MAD1L1: variants seen among roughly 807,000 people sequenced by gnomAD.
MAD1L1 encodes mitotic spindle assembly checkpoint protein MAD1.
MAD1L1 carries 95 observed loss-of-function variants against 96.9 expected under a neutral mutation model. The ratio of observed to expected loss-of-function variants is 0.98; its 90% CI spans 0.83 to 1.16. The LOEUF is 1.16. Among genes scored for constraint, MAD1L1 ranks in the 50% most tolerant of loss-of-function variants. MAD1L1 has a pLI of 0.00. For synonymous variants in MAD1L1, 473 were observed against 396.6 expected (o/e 1.19, Z -2.29); for missense variants, 1,007 against 954.4 (o/e 1.06, Z -0.73).
At chr7:1,978,538 G>C (rs1241930448) in intron 15 of MAD1L1, among the ~76,000 whole-genome samples, 1 of 152,144 alleles carries the variant, frequency 6.6e-6, no homozygotes, top group Non-Finnish European at 1.5e-5. Flanking sequence ...AAAGCCTCTA[G>C]TGCCTCCCAC....
intron 12 of MAD1L1, among the ~76,000 whole-genome samples, chr7:2,019,595 C>G (rs973861337): frequency 1.3e-5 from 2 of 152,346 alleles, no homozygotes; most frequent in Non-Finnish European, 2.9e-5. Flanking sequence ...GAAAGGGCAG[C>G]AAGGAGGGCC....
rs570072781 is a variant in MAD1L1, at chr7:1,944,998, C to T, written c.1597-8101G>A. On this transcript the variant is annotated intron_variant, in intron 16 of 18. Transcript: ENST00000265854. ...CAAGGGAGCCGGAAGCAGAGGGAGA[C>T]GGGTACGGGCAGCCCCTCACCTGGG... Among the ~76,000 whole-genome samples, 8 of 152,304 alleles carry T rather than the reference C, an allele frequency of 5.3e-5. No homozygotes were observed. The East Asian group carries it at 5.8e-4, about 11-fold the overall frequency.
intron 14 of MAD1L1, among the ~76,000 whole-genome samples, chr7:1,997,139 AAGTC>A (rs1048921995): frequency 1.3e-5 from 2 of 152,260 alleles, no homozygotes; most frequent in African/African-American, 2.4e-5. Flanking sequence ...AATAATAAGA[AAGTC>A]AGAGTGCCTT....
intron 18 of MAD1L1, among the ~76,000 whole-genome samples, chr7:1,855,968 C>T (rs538152914): frequency 2.0e-5 from 3 of 152,174 alleles, no homozygotes; most frequent in Non-Finnish European, 4.4e-5. Context: ...CTCAAGGCGC[C>T]GGCAGACGTG....
At chr7:2,021,596 C>T (rs1041723621) in intron 12 of MAD1L1, among the ~76,000 whole-genome samples, 18 of 146,394 alleles carry the variant, frequency 1.2e-4, no homozygotes, top group African/African-American at 3.8e-4. Context: ...GAAACCTCGT[C>T]TCTACTGAAA....
intron 15 of MAD1L1, among the ~76,000 whole-genome samples, chr7:1,970,855 C>T (rs1384808704): frequency 6.6e-6 from 1 of 152,158 alleles, no homozygotes. Context: ...TGTTTTAAAA[C>T]TCTGAAGATA....
At chr7:1,917,958 T>G (rs143581621) in intron 17 of MAD1L1, among the ~76,000 whole-genome samples, 1,529 of 152,076 alleles carry the variant, frequency 0.01, 28 homozygotes, top group African/African-American at 0.034. Flanking sequence ...CACCCTGTGG[T>G]TCAGCCCAGA....
Position 2,154,834 on chromosome 7 carries a change from G to A in MAD1L1, c.987-5596C>T, listed in dbSNP as rs555676618. Among the ~76,000 whole-genome samples, 70 of 152,246 alleles carry A rather than the reference G, an allele frequency of 4.6e-4. 1 individual carries two copies. Among genetic ancestry groups the A allele is most frequent in the South Asian group, 1.5e-3 (7 of 4,820 alleles). Reference sequence around the variant, plus strand: ...TCCCATCAAGAACAAGGTGGAATCCGATCAAACGGGTCAGGAGGTCACCTC... The same window carrying A: ...TCCCATCAAGAACAAGGTGGAATCCAATCAAACGGGTCAGGAGGTCACCTC... On this transcript the variant is annotated intron_variant, in intron 10 of 18. Coordinates refer to ENST00000265854, the MANE Select transcript of MAD1L1 (RefSeq NM_001013836.2).
chr7:1,824,891 G>A (rs1277996626), intron 18 of MAD1L1, among the ~76,000 whole-genome samples: 2 of 152,050 alleles, frequency 1.3e-5, no homozygotes, highest in Non-Finnish European at 1.5e-5. Flanking sequence ...AGACTCAGCA[G>A]CGTCCGCCGA....
At chr7:1,924,390 C>T (rs1379015944) in intron 17 of MAD1L1, among the ~76,000 whole-genome samples, 4 of 152,214 alleles carry the variant, frequency 2.6e-5, no homozygotes, top group Non-Finnish European at 5.9e-5. Flanking sequence ...AAGCCTCTCT[C>T]ATCTGCACGG....
intron 12 of MAD1L1, among the ~76,000 whole-genome samples, chr7:2,028,424 C>CAAAA (rs56189973): frequency 4.6e-5 from 4 of 86,160 alleles, no homozygotes; most frequent in Non-Finnish European, 1.0e-4. Context: ...GACTCCATCT[C>CAAAA]AAAAAAAAAA....
intron 12 of MAD1L1, among the ~76,000 whole-genome samples, chr7:2,027,852 C>G (rs1783052990): frequency 6.6e-6 from 1 of 152,134 alleles, no homozygotes; most frequent in Non-Finnish European, 1.5e-5. Context: ...ACTGGCTATG[C>G]TAAGCCACAG....
intron 11 of MAD1L1, among the ~76,000 whole-genome samples, chr7:2,085,706 G>A (rs554815099): frequency 3.3e-5 from 5 of 152,324 alleles, no homozygotes; most frequent in African/African-American, 1.2e-4. Flanking sequence ...CAGCCGTGTT[G>A]TTTTTAGTCA....
intron 11 of MAD1L1, among the ~76,000 whole-genome samples, chr7:2,109,989 T>C (rs1207559935): frequency 6.7e-6 from 1 of 149,250 alleles, no homozygotes; most frequent in African/African-American, 2.6e-5. Flanking sequence ...TCAGCACAGT[T>C]GTGAGAGTGC....
chr7:2,222,207 C>T (rs1299503776), intron 5 of MAD1L1, among the ~76,000 whole-genome samples: 4 of 151,864 alleles, frequency 2.6e-5, no homozygotes, highest in Non-Finnish European at 4.4e-5. Context: ...CCGAGTCCCA[C>T]AGGCTGGGAC....
intron 4 of MAD1L1, among the ~76,000 whole-genome samples, chr7:2,225,083 G>A (rs901490065): frequency 6.6e-6 from 1 of 152,194 alleles, no homozygotes; most frequent in Non-Finnish European, 1.5e-5. Flanking sequence ...CCCATTTCAT[G>A]CCACCCTCCT....
chr7:2,066,421 A>T (rs1326308179), intron 12 of MAD1L1, among the ~76,000 whole-genome samples: 1 of 152,268 alleles, frequency 6.6e-6, no homozygotes, highest in African/African-American at 2.4e-5. Flanking sequence ...GCCTGGGGCT[A>T]CACGGGCGAC....
intron 16 of MAD1L1, among the ~76,000 whole-genome samples, chr7:1,950,316 G>GTCCA (rs950093254): frequency 1.3e-5 from 1 of 77,088 alleles, no homozygotes; most frequent in Non-Finnish European, 3.9e-5. Context: ...CCATCCGTCT[G>GTCCA]TCCGTCCGTC....
chr7:1,876,898 G>A (rs1233949810), intron 18 of MAD1L1, among the ~76,000 whole-genome samples: 2 of 127,548 alleles, frequency 1.6e-5, no homozygotes, highest in African/African-American at 5.5e-5. Context: ...ATGGGAAGGT[G>A]CGGTTCCATC....
Sources: allele counts gnomAD v4.1 joint callset (sites outside exome capture counted in the v4.1 genomes callset), GRCh38; gene constraint gnomAD v4.1.1; transcripts MANE v1.5; gene names NCBI Gene and HGNC (gene_info 2026-07-23, HGNC 2026-07-21).